Variants in ELMOD3 observed in about 807,000 individuals in gnomAD.
ELMOD3 encodes the protein ELMO domain-containing protein 3.
In ELMOD3, 36 loss-of-function variants were observed where a neutral mutation model predicts 47.4. The observed-to-expected ratio is 0.76, with a 90% CI of 0.58 to 1.00. ELMOD3 has a LOEUF of 1.00. ELMOD3 is among the 50% of genes least tolerant of loss of function. The probability of loss-of-function intolerance (pLI) is 0.00; values close to 1 mark genes in which losing one functional copy is unlikely to be tolerated. For synonymous variants in ELMOD3, 149 were observed against 183.5 expected, an observed-to-expected ratio of 0.81 and a Z score of 1.52; for missense variants, 404 against 463.8, an observed-to-expected ratio of 0.87 and a Z score of 1.18.
chr2:85,370,763 A>T (rs1320642679), intron 8 of ELMOD3, among the ~76,000 whole-genome samples: 4 of 152,038 alleles, frequency 2.6e-5, no homozygotes, highest in African/African-American at 9.7e-5. Context: ...TGCCTGGGGG[A>T]GCTGGGCAGG....
Position 85,371,137 on chromosome 2 carries a change from T to C in ELMOD3, c.412T>C (p.Tyr138His). 1.2e-6 allele frequency: 2 copies of C among 1,614,194 alleles called. No homozygotes were observed. The highest frequency in any genetic ancestry group is 1.1e-5 in the South Asian group (1 of 91,088). ...RRTGLAALRH[Y>H]LFGPPKLHQR... ...GACTGGGCTCGCCGCCCTCCGACAC[T>C]ACCTCTTCGGGCCTCCAAAGCTCCA... The change falls in exon 9 of 14, where the codon TAC becomes CAC. Residue 138 changes from tyrosine (Y) to histidine (H), a missense_variant. Tyr to His is a moderately conservative substitution (Grantham distance 83, BLOSUM62 2). Coordinates refer to ENST00000409013, the MANE Select transcript of ELMOD3 (RefSeq NM_001135022.2).
chr2:85,377,909 T>G (rs1451587570), intron 11 of ELMOD3, among the ~76,000 whole-genome samples: 1 of 152,226 alleles, frequency 6.6e-6, no homozygotes, highest in African/African-American at 2.4e-5. Flanking sequence ...TTGGCTGGAA[T>G]GGGACTTCAC....
chr2:85,389,211 C>T (rs1686140554), intron 11 of ELMOD3, among the ~76,000 whole-genome samples: 1 of 152,226 alleles, frequency 6.6e-6, no homozygotes, highest in African/African-American at 2.4e-5. Context: ...TCTGTGTTAT[C>T]GTGAGATGGG....
At chr2:85,367,050 TC>T in intron 6 of ELMOD3, among the ~76,000 whole-genome samples, 1 of 152,342 alleles carries the variant, frequency 6.6e-6, no homozygotes, top group South Asian at 2.1e-4. Flanking sequence ...AGAAAGCCCA[TC>T]CTTCTGCTCT....
At chr2:85,373,642 C>G (rs973483160) in intron 10 of ELMOD3, among the ~76,000 whole-genome samples, 3 of 151,864 alleles carry the variant, frequency 2.0e-5, no homozygotes, top group African/African-American at 7.3e-5. Context: ...AGTTCAAGAC[C>G]AGCCTGGCCA....
chr2:85,359,468 C>T (rs1399710629), intron 4 of ELMOD3, among the ~76,000 whole-genome samples: 1 of 141,178 alleles, frequency 7.1e-6, no homozygotes, highest in East Asian at 2.0e-4. Context: ...AGTGCAATGA[C>T]GCGATCTCGG....
chr2:85,378,841 C>T (rs953799742), intron 11 of ELMOD3, among the ~76,000 whole-genome samples: 2 of 152,154 alleles, frequency 1.3e-5, no homozygotes, highest in African/African-American at 4.8e-5. Context: ...TGATCTCTTA[C>T]GGCTAGGATG....
chr2:85,371,385 C>T, intron 9 of ELMOD3, 55 bp from the exon 10 acceptor site: 1 of 1,609,440 alleles, frequency 6.2e-7, no homozygotes, highest in East Asian at 2.2e-5. Flanking sequence ...TGAGAAGCAC[C>T]CGGTTCTCCC....
intron 11 of ELMOD3, 61 bp from the exon 12 acceptor site, chr2:85,389,690 A>G: frequency 6.9e-7 from 1 of 1,439,066 alleles, no homozygotes; most frequent in Non-Finnish European, 9.8e-7. Flanking sequence ...ACCAGGCTGC[A>G]GATGACAGGA....
At position 85,368,899 on chromosome 2, in the gene ELMOD3, A is replaced by G; in HGVS notation, c.268+145A>G. ...ATTTTAACTATATAACATAGATTACAGTACCTTTTTCAAATCCTAAGATGA... is the reference window on the plus strand; with the variant it reads ...ATTTTAACTATATAACATAGATTACGGTACCTTTTTCAAATCCTAAGATGA... On this transcript the variant is annotated intron_variant, in intron 7 of 13. Coordinates refer to ENST00000409013, the MANE Select transcript of ELMOD3 (RefSeq NM_001135022.2). 10 of 820,366 alleles carry G rather than the reference A, an allele frequency of 1.2e-5. No individual in the cohort carries two copies. The South Asian group carries it at 1.6e-4, about 13-fold the overall frequency. The allele number at this position is 820,366 out of a possible 1,614,324, so 50.8% of individuals were successfully genotyped here. A position where few individuals can be genotyped will look rare whatever the true frequency, so the allele number is the denominator to read the frequency against.
intron 10 of ELMOD3, among the ~76,000 whole-genome samples, chr2:85,373,227 A>ACTCT (rs1298603734): frequency 5.3e-5 from 8 of 151,452 alleles, no homozygotes; most frequent in Non-Finnish European, 1.2e-4. Context: ...CTCCAGCCTG[A>ACTCT]GTGACACAAC....
chr2:85,384,286 G>A lies in ELMOD3; in HGVS notation c.739-5465G>A, dbSNP rs533494291. Among the ~76,000 whole-genome samples the A allele has an allele frequency of 2.2e-4, 33 of 151,488 alleles. No homozygotes were observed. In the South Asian group the frequency reaches 6.8e-3, roughly 31 times the overall value. ...TGTTTTCACAATAGAAACTTCAGCT[G>A]GCTCATTGGGAAAATTAGAGACAAT... On this transcript the variant is annotated intron_variant, in intron 11 of 13. Transcript: ENST00000409013.
intron 6 of ELMOD3, among the ~76,000 whole-genome samples, chr2:85,363,818 C>T (rs987930711): frequency 6.6e-6 from 1 of 152,190 alleles, no homozygotes; most frequent in Non-Finnish European, 1.5e-5. Context: ...GACTTATTCA[C>T]TATTATGAGA....
chr2:85,380,628 C>T (rs185299590), intron 11 of ELMOD3, among the ~76,000 whole-genome samples: 122 of 152,294 alleles, frequency 8.0e-4, no homozygotes, highest in Non-Finnish European at 1.1e-3. Context: ...CAGGTTCAAG[C>T]GATTCTACTG....
chr2:85,390,557 C>CT, intron 13 of ELMOD3: 1 of 1,563,516 alleles, frequency 6.4e-7, no homozygotes. Context: ...ATTGTGCAGA[C>CT]AAGGTAGAGT....
rs183358596 is a variant in ELMOD3, at chr2:85,361,030, G to T, written c.55-1156G>T. On this transcript the variant is annotated intron_variant, in intron 4 of 13. Transcript: ENST00000409013. Reference sequence around the variant, plus strand: ...GACAGGGTCTCCGCATGTTGCCCAGGCTGCTCTCGAACTCCTGGGCTCAAG... The same window carrying T: ...GACAGGGTCTCCGCATGTTGCCCAGTCTGCTCTCGAACTCCTGGGCTCAAG... 4.8e-4 allele frequency: 73 copies of T among 152,718 alleles called. No individual in the cohort carries two copies. The East Asian group carries it at 5.8e-3, about 12-fold the overall frequency. 9.5% of individuals were successfully genotyped at this position (152,718 alleles called of 1,614,324 possible). A position where few individuals can be genotyped will look rare whatever the true frequency, so the allele number is the denominator to read the frequency against.
In ELMOD3 at chr2:85,368,627, C is replaced by T. The variant is rs374114666; in HGVS notation, c.200-59C>T. The T allele has an allele frequency of 3.2e-6, 5 of 1,562,378 alleles. No individual in the cohort carries two copies. The Admixed American group carries it at 6.7e-5, about 21-fold the overall frequency. On this transcript the variant is annotated intron_variant, in intron 6 of 13. Transcript: ENST00000409013. ...GGCAGGCAGACAAGGCTGGGGTCTGCAGTAGAGGCCCAGACATACCTAGAT... is the reference window on the plus strand; with the variant it reads ...GGCAGGCAGACAAGGCTGGGGTCTGTAGTAGAGGCCCAGACATACCTAGAT...
chr2:85,364,825 ATTTTTTTTTTTTT>A (rs869054374), intron 6 of ELMOD3, among the ~76,000 whole-genome samples: 3 of 69,894 alleles, frequency 4.3e-5, no homozygotes, highest in African/African-American at 1.3e-4. Context: ...ATATATATAT[ATTTTTTTTTTTTT>A]TTTTTTTTTT....
chr2:85,387,216 C>G, intron 11 of ELMOD3: 1 of 1,189,800 alleles, frequency 8.4e-7, no homozygotes, highest in Admixed American at 3.4e-5. Flanking sequence ...TCTCAGCTAC[C>G]CATGTTGAGG....
Sources: allele counts gnomAD v4.1 joint callset (sites outside exome capture counted in the v4.1 genomes callset), GRCh38; gene constraint gnomAD v4.1.1; transcripts MANE v1.5; gene names NCBI Gene and HGNC (gene_info 2026-07-23, HGNC 2026-07-21).